RASSF3: variants seen among roughly 807,000 people sequenced by gnomAD.
The protein encoded by RASSF3 is ras association domain-containing protein 3.
A neutral mutation model predicts 19.9 loss-of-function variants in RASSF3; 19 were observed. That is an observed-to-expected ratio of 0.96 (90% CI 0.67 to 1.40). The LOEUF is 1.40. Ranked by LOEUF, RASSF3 falls within the 40% of genes most tolerant of loss-of-function variation. The pLI, the probability that RASSF3 is intolerant of heterozygous loss-of-function variation, is 0.00. For synonymous variants in RASSF3, 110 were observed against 104.2 expected (o/e 1.06, Z -0.34); for missense variants, 306 against 289.8 (o/e 1.06, Z -0.41).
intron 4 of RASSF3, among the ~76,000 whole-genome samples, chr12:64,694,193 G>C (rs1050493752): frequency 1.3e-5 from 2 of 152,180 alleles, no homozygotes; most frequent in Non-Finnish European, 2.9e-5. Context: ...GTCTTGGCCA[G>C]ATGAGCATTT....
At chr12:64,542,940 C>T (rs563588196), downstream of RASSF3, among the ~76,000 whole-genome samples, 4 of 152,198 alleles carry the variant, frequency 2.6e-5, no homozygotes, top group East Asian at 5.9e-4. Context: ...GGGAGAGGCA[C>T]GGGCGGGAAC....
rs531938871 is a variant in RASSF3 at position 64,574,068 on chromosome 12, C to T, written c.294+32363C>T. Among the ~76,000 whole-genome samples, 532 of 151,930 alleles carry T rather than the reference C, an allele frequency of 3.5e-3. 2 individuals carry two copies. The highest frequency in any genetic ancestry group is 0.012 in the African/African-American group (513 of 41,426). On this transcript the variant is annotated intron_variant, in intron 2 of 5. Coordinates refer to the RASSF3 transcript ENST00000637125. Reference sequence around the variant, plus strand: ...CTGTAATCCTAGCAGTTTGGGAGGCCGAGGTGGGCGGATCACTTGAGGTCA... The same window carrying T: ...CTGTAATCCTAGCAGTTTGGGAGGCTGAGGTGGGCGGATCACTTGAGGTCA...
chr12:64,656,570 A>T (rs947329116), intron 1 of RASSF3, among the ~76,000 whole-genome samples: 11 of 152,220 alleles, frequency 7.2e-5, no homozygotes, highest in African/African-American at 2.7e-4. Flanking sequence ...GATAAAGAAC[A>T]TCAAACACTC....
intron 1 of RASSF3, among the ~76,000 whole-genome samples, chr12:64,678,508 G>T (rs1172732939): frequency 6.6e-6 from 1 of 152,134 alleles, no homozygotes; most frequent in Non-Finnish European, 1.5e-5. Flanking sequence ...CTTACTGAGT[G>T]TCATGCCACT....
chr12:64,577,060 G>T (rs1021653746), intron 2 of RASSF3, among the ~76,000 whole-genome samples: 1 of 152,106 alleles, frequency 6.6e-6, no homozygotes, highest in East Asian at 1.9e-4. Flanking sequence ...TCCCAAAATT[G>T]TTGCATAGTC....
intron 1 of RASSF3, among the ~76,000 whole-genome samples, chr12:64,524,078 G>T (rs1868533846): frequency 6.9e-6 from 1 of 144,894 alleles, no homozygotes; most frequent in Non-Finnish European, 1.5e-5. Context: ...TTGAGAAAGA[G>T]TCTTGCTCTG....
intron 2 of RASSF3, among the ~76,000 whole-genome samples, chr12:64,592,914 A>G (rs1869946637): frequency 6.6e-6 from 1 of 152,132 alleles, no homozygotes; most frequent in South Asian, 2.1e-4. Context: ...TAGTGAGATT[A>G]CAGGCATGAG....
intron 1 of RASSF3, among the ~76,000 whole-genome samples, chr12:64,641,400 G>GCACACACA (rs530475322): frequency 6.5e-5 from 7 of 106,928 alleles, no homozygotes; most frequent in African/African-American, 2.1e-4. Flanking sequence ...TGTCTCACAG[G>GCACACACA]CGCACACACA....
chr12:64,609,947 C>T (rs1295480410), upstream of RASSF3, among the ~76,000 whole-genome samples: 1 of 152,186 alleles, frequency 6.6e-6, no homozygotes, highest in African/African-American at 2.4e-5. Flanking sequence ...AGTTTTTGAC[C>T]TCCCCACCCA....
At chr12:64,692,567 G>A (rs1300479131) in intron 4 of RASSF3, among the ~76,000 whole-genome samples, 1 of 152,162 alleles carries the variant, frequency 6.6e-6, no homozygotes, top group East Asian at 1.9e-4. Flanking sequence ...ATTTTGGGGA[G>A]AAGGCAGGGT....
intron 2 of RASSF3, among the ~76,000 whole-genome samples, chr12:64,557,428 C>T (rs1422526579): frequency 6.6e-6 from 1 of 152,140 alleles, no homozygotes; most frequent in East Asian, 1.9e-4. Flanking sequence ...TCAATTACTC[C>T]TGCCACAATG....
chr12:64,561,421 AT>A (rs1469198693), intron 2 of RASSF3, among the ~76,000 whole-genome samples: 4 of 152,190 alleles, frequency 2.6e-5, no homozygotes, highest in Admixed American at 2.6e-4. Context: ...ATTGCCGCAC[AT>A]TTGGCATTTC....
intron 1 of RASSF3, among the ~76,000 whole-genome samples, chr12:64,674,858 G>A (rs1872825359): frequency 6.6e-6 from 1 of 152,034 alleles, no homozygotes; most frequent in Admixed American, 6.6e-5. Flanking sequence ...GGTAAAGTTG[G>A]GGGAGTATAG....
chr12:64,574,857 A>G (rs900217331), intron 2 of RASSF3, among the ~76,000 whole-genome samples: 3 of 152,248 alleles, frequency 2.0e-5, no homozygotes, highest in Non-Finnish European at 4.4e-5. Flanking sequence ...TGTAAGACAT[A>G]AGTATCTATT....
intron 2 of RASSF3, among the ~76,000 whole-genome samples, chr12:64,583,169 T>A (rs1424877212): frequency 1.3e-5 from 2 of 152,182 alleles, no homozygotes; most frequent in African/African-American, 4.8e-5. Flanking sequence ...TGAGTCTGTG[T>A]TCCAGAATAG....
chr12:64,694,938 CGG>C lies in RASSF3; in HGVS notation c.*27_*28del. 1 of 1,608,958 alleles carries C rather than the reference CGG, an allele frequency of 6.2e-7. No individual in the cohort carries two copies. The highest frequency in any genetic ancestry group is 8.5e-7 in the Non-Finnish European group (1 of 1,177,784). On this transcript the variant is annotated 3_prime_UTR_variant, in exon 5 of 5. Transcript: ENST00000542104. ...AGCGGGGCTCCCTGCCCGTGAGGCC[CGG>C]TGCAGGACCGATGTACAAAACAGCA...
intron 2 of RASSF3, among the ~76,000 whole-genome samples, chr12:64,566,188 G>A (rs1478902358): frequency 1.3e-5 from 2 of 152,142 alleles, no homozygotes; most frequent in Non-Finnish European, 2.9e-5. Flanking sequence ...GAGACAGAGT[G>A]AGACTCTGTC....
At chr12:64,610,468 A>G, upstream of RASSF3, 1 of 238,942 alleles carries the variant, frequency 4.2e-6, no homozygotes, top group Non-Finnish European at 7.9e-6. Flanking sequence ...CCTGGCGGGG[A>G]GGCGGCAGGA....
intron 2 of RASSF3, among the ~76,000 whole-genome samples, chr12:64,576,965 A>G (rs1869605896): frequency 6.6e-6 from 1 of 152,176 alleles, no homozygotes; most frequent in African/African-American, 2.4e-5. Context: ...TATGGAAAAT[A>G]TGAGTGCATC....
Sources: allele counts gnomAD v4.1 joint callset (sites outside exome capture counted in the v4.1 genomes callset), GRCh38; gene constraint gnomAD v4.1.1; transcripts MANE v1.5; gene names NCBI Gene and HGNC (gene_info 2026-07-23, HGNC 2026-07-21).